The following CTNNA3 variants were observed in gnomAD, a reference collection of about 807,000 sequenced individuals.
CTNNA3 encodes the protein catenin alpha-3.
Under a neutral mutation model 95.7 loss-of-function variants are expected in CTNNA3, and 76 were observed. The ratio of observed to expected loss-of-function variants is 0.79; its 90% CI spans 0.66 to 0.96. The LOEUF (loss-of-function observed/expected upper bound fraction) is 0.96, where lower values mean the gene tolerates loss of function less well. Among genes scored for constraint, CTNNA3 ranks in the 40% least tolerant of loss-of-function variants. The pLI is 0.00. For missense variants in CTNNA3, 1,191 were observed against 1,089.8 expected, an observed-to-expected ratio of 1.09 and a Z score of -1.31; for synonymous variants, 431 against 374.4, an observed-to-expected ratio of 1.15 and a Z score of -1.74.
Position 66,747,977 on chromosome 10 carries a change from G to A in CTNNA3, c.1281+18287C>T, listed in dbSNP as rs115062645. Among the ~76,000 whole-genome samples the A allele has an allele frequency of 3.8e-3, 579 of 152,234 alleles. 4 individuals are homozygous for A. The highest frequency in any genetic ancestry group is 0.014 in the African/African-American group (565 of 41,540). ...AAATGGGAGATTCATACTGACAAGA[G>A]TCCAGACTTCTCTACACAGCAGAAT... On this transcript the variant is annotated intron_variant, in intron 9 of 17. Transcript: ENST00000433211.
intron 13 of CTNNA3, among the ~76,000 whole-genome samples, chr10:66,149,980 T>A (rs1363540291): frequency 6.6e-6 from 1 of 152,222 alleles, no homozygotes; most frequent in Admixed American, 6.6e-5. Context: ...GTCCTTGAGT[T>A]AACAATGGAC....
chr10:67,471,084 G>A (rs112088402), intron 5 of CTNNA3, among the ~76,000 whole-genome samples: 659 of 151,960 alleles, frequency 4.3e-3, no homozygotes, highest in Non-Finnish European at 6.5e-3. Flanking sequence ...CCCAAAGCAC[G>A]GGGGGGTGGG....
At chr10:67,435,876 A>G (rs1564647858) in intron 5 of CTNNA3, among the ~76,000 whole-genome samples, 1 of 152,196 alleles carries the variant, frequency 6.6e-6, no homozygotes, top group Non-Finnish European at 1.5e-5. Context: ...TAGAATCAAT[A>G]CTGTGAAAAT....
chr10:67,357,618 A>G lies in CTNNA3; in HGVS notation c.580-137748T>C, dbSNP rs76731105. Among the ~76,000 whole-genome samples, 1,157 of 152,242 alleles carry G rather than the reference A, an allele frequency of 7.6e-3. 15 individuals are homozygous for G. Among genetic ancestry groups the G allele is most frequent in the Non-Finnish European group, 9.4e-3 (636 of 67,992 alleles). ...ATGTCAATTCTTCTTAAGATAATTT[A>G]TAAATATAAAACCATCATAATAAAA... On this transcript the variant is annotated intron_variant, in intron 5 of 17. Transcript: ENST00000433211.
At chr10:66,953,917 T>C (rs949995308) in intron 7 of CTNNA3, among the ~76,000 whole-genome samples, 2 of 152,284 alleles carry the variant, frequency 1.3e-5, no homozygotes, top group Middle Eastern at 3.4e-3. Flanking sequence ...TCCTCTGCTA[T>C]AAAATCAGGA....
At chr10:66,438,390 C>A (rs2093352625) in intron 11 of CTNNA3, among the ~76,000 whole-genome samples, 1 of 152,172 alleles carries the variant, frequency 6.6e-6, no homozygotes, top group African/African-American at 2.4e-5. Context: ...TTCAGAGATG[C>A]CCTGCCCAGA....
At chr10:66,220,032 A>T (rs1158342583) in intron 13 of CTNNA3, among the ~76,000 whole-genome samples, 6 of 152,096 alleles carry the variant, frequency 3.9e-5, no homozygotes, top group Non-Finnish European at 8.8e-5. Flanking sequence ...CTGAGGCAGG[A>T]GAATCACTTG....
chr10:67,547,933 T>G (rs1840895208), intron 3 of CTNNA3, among the ~76,000 whole-genome samples: 1 of 152,214 alleles, frequency 6.6e-6, no homozygotes, highest in African/African-American at 2.4e-5. Context: ...AGACTTAATA[T>G]TGTTAAGATA....
At chr10:67,206,336 A>G (rs1272289522) in intron 6 of CTNNA3, among the ~76,000 whole-genome samples, 2 of 152,128 alleles carry the variant, frequency 1.3e-5, no homozygotes, top group South Asian at 4.1e-4. Context: ...CCTGTGGTAT[A>G]TATCACATTC....
intron 7 of CTNNA3, among the ~76,000 whole-genome samples, chr10:66,815,999 A>G (rs1179623415): frequency 1.3e-5 from 2 of 152,210 alleles, no homozygotes; most frequent in Non-Finnish European, 2.9e-5. Flanking sequence ...TTTGTGTTTT[A>G]AAACAAGTAC....
intron 5 of CTNNA3, among the ~76,000 whole-genome samples, chr10:67,521,637 C>A (rs1482272820): frequency 6.6e-6 from 1 of 152,138 alleles, no homozygotes; most frequent in East Asian, 1.9e-4. Context: ...CATGTGGAAA[C>A]CCCTAAAGTA....
intron 15 of CTNNA3, among the ~76,000 whole-genome samples, chr10:66,012,333 A>G (rs956673284): frequency 1.3e-5 from 2 of 152,194 alleles, no homozygotes; most frequent in Non-Finnish European, 2.9e-5. Context: ...GAAGGAAAGA[A>G]TAATGTCTGA....
At chr10:66,989,168 T>C (rs1850898747) in intron 7 of CTNNA3, among the ~76,000 whole-genome samples, 1 of 152,180 alleles carries the variant, frequency 6.6e-6, no homozygotes, top group Non-Finnish European at 1.5e-5. Flanking sequence ...GTAAAATCTT[T>C]TTGAAGGTAA....
At chr10:67,111,880 T>G (rs1858926425) in intron 7 of CTNNA3, among the ~76,000 whole-genome samples, 1 of 152,080 alleles carries the variant, frequency 6.6e-6, no homozygotes, top group Non-Finnish European at 1.5e-5. Context: ...CCTGAAGAAC[T>G]AGCATTTAAG....
intron 5 of CTNNA3, among the ~76,000 whole-genome samples, chr10:67,315,862 A>G (rs1398782689): frequency 6.6e-6 from 1 of 152,152 alleles, no homozygotes; most frequent in Non-Finnish European, 1.5e-5. Context: ...CACTGCTTTA[A>G]TATGTTAACT....
chr10:66,314,152 A>G (rs2092065507), intron 12 of CTNNA3, among the ~76,000 whole-genome samples: 1 of 152,080 alleles, frequency 6.6e-6, no homozygotes, highest in Admixed American at 6.5e-5. Context: ...CATAGCTCAC[A>G]TGTTCTTCCC....
At chr10:66,646,127 T>G (rs1273791269) in intron 9 of CTNNA3, among the ~76,000 whole-genome samples, 1 of 152,190 alleles carries the variant, frequency 6.6e-6, no homozygotes, top group African/African-American at 2.4e-5. Context: ...TTTTGGGAAC[T>G]ATAATGAAAT....
At chr10:66,019,605 A>G (rs1020758803) in intron 15 of CTNNA3, among the ~76,000 whole-genome samples, 15 of 152,144 alleles carry the variant, frequency 9.9e-5, no homozygotes, top group African/African-American at 3.4e-4. Context: ...CTTGAATACT[A>G]TAATATATTA....
intron 10 of CTNNA3, among the ~76,000 whole-genome samples, chr10:66,603,681 A>G (rs1053861946): frequency 6.6e-6 from 1 of 152,182 alleles, no homozygotes; most frequent in African/African-American, 2.4e-5. Flanking sequence ...TTTCAATTGT[A>G]CTACAAAGCT....
Sources: gnomAD v4.1 joint callset for allele counts (sites outside exome capture counted in the v4.1 genomes callset) on GRCh38, gnomAD v4.1.1 for gene constraint, MANE v1.5 for transcripts, NCBI Gene and HGNC (gene_info 2026-07-23, HGNC 2026-07-21) for gene names.